CR1: variants seen among roughly 807,000 people sequenced by gnomAD.
CR1 encodes the protein complement C3b/C4b receptor 1 (Knops blood group).
CR1 carries 116 observed loss-of-function variants against 187.3 expected under a neutral mutation model. The observed-to-expected ratio is 0.62, with a 90% CI of 0.53 to 0.72. The LOEUF is 0.72. CR1 is among the 30% of genes least tolerant of loss of function. The pLI is 0.00. For synonymous variants in CR1, 576 were observed against 747.1 expected (o/e 0.77, Z 3.73); for missense variants, 1,731 against 2,110.7 (o/e 0.82, Z 3.52).
chr1:207,506,373 G>T (rs1378831461), intron 2 of CR1, among the ~76,000 whole-genome samples: 1 of 152,182 alleles, frequency 6.6e-6, no homozygotes, highest in Non-Finnish European at 1.5e-5. Context: ...GAATGACTTG[G>T]GACAAGAAAG....
Position 207,611,849 on chromosome 1 carries a change from T to A in CR1, c.6468T>A (p.Cys2156Ter). 4.3e-6 allele frequency: 7 copies of A among 1,613,980 alleles called. No homozygotes were observed. The highest frequency in any genetic ancestry group is 5.9e-6 in the Non-Finnish European group (7 of 1,179,856). Residue 2156 changes from cysteine to a stop codon, truncating the protein, a stop_gained, in exon 38 of 47, where the codon TGT becomes TGA. Coordinates refer to ENST00000367049, the MANE Select transcript of CR1 (RefSeq NM_000651.6). LOFTEE classifies it high-confidence loss of function. ...ACTGGAGCCCTGAAGCCCCTAGATG[T>A]ACAGGTGCCTTGACTCTCTGGCTTC... is the stretch of plus-strand genomic sequence containing the variant. ...QGDWSPEAPR[C>*]TVKSCDDFLG...
chr1:207,608,986 G>C (rs1221892222), intron 36 of CR1, among the ~76,000 whole-genome samples: 1 of 151,966 alleles, frequency 6.6e-6, no homozygotes, highest in Non-Finnish European at 1.5e-5. Flanking sequence ...AAATAGTCCA[G>C]CAATAGATAA....
intron 43 of CR1, 91 bp downstream of exon 43, chr1:207,620,156 T>C (rs1372455833): frequency 7.8e-7 from 1 of 1,281,584 alleles, no homozygotes; most frequent in East Asian, 2.5e-5. Context: ...AGTGTGATGT[T>C]TATGGCATAT....
intron 1 of CR1, among the ~76,000 whole-genome samples, chr1:207,505,690 C>A (rs1264604710): frequency 5.9e-5 from 9 of 151,900 alleles, no homozygotes; most frequent in Admixed American, 5.9e-4. Flanking sequence ...CGAAAATTAG[C>A]CAGGTGTGGT....
chr1:207,517,966 CTTTAG>C (rs1659854607), intron 4 of CR1, among the ~76,000 whole-genome samples: 1 of 151,954 alleles, frequency 6.6e-6, no homozygotes, highest in Non-Finnish European at 1.5e-5. Flanking sequence ...CTTGTTTTTT[CTTTAG>C]TTTATGACTA....
At position 207,609,651 on chromosome 1, in the gene CR1, T is replaced by A. The variant is rs533857968; in HGVS notation, c.6258T>A (p.Asn2086Lys). ...CCCACACTGTGCAGTGCCAGACCAATGGCAGATGGGGGCCCAAGCTGCCAC... is the reference window on the plus strand; with the variant it reads ...CCCACACTGTGCAGTGCCAGACCAAAGGCAGATGGGGGCCCAAGCTGCCAC... Reference protein sequence around the residue: ...VGSHTVQCQTNGRWGPKLPHC... With the variant: ...VGSHTVQCQTKGRWGPKLPHC... The change falls in exon 37 of 47, where the codon AAT becomes AAA. Residue 2086 changes from asparagine to lysine, a missense_variant. Physicochemically the swap from Asn to Lys is moderately conservative, Grantham distance 94. Transcript: ENST00000367049. The A allele has an allele frequency of 6.3e-7, 1 of 1,598,556 alleles. No individual in the cohort carries two copies. The highest frequency in any genetic ancestry group is 1.3e-5 in the African/African-American group (1 of 74,388).
At chr1:207,521,045 C>T (rs754179483) in intron 4 of CR1, among the ~76,000 whole-genome samples, 7 of 130,536 alleles carry the variant, frequency 5.4e-5, no homozygotes, top group Non-Finnish European at 1.1e-4. Flanking sequence ...TGGGATATCT[C>T]GGCTCACTGC....
chr1:207,601,634 G>T (rs951335860), intron 35 of CR1, among the ~76,000 whole-genome samples: 3 of 152,118 alleles, frequency 2.0e-5, no homozygotes, highest in African/African-American at 7.2e-5. Flanking sequence ...AGGGGCTGAA[G>T]TCAGTTTGAT....
chr1:207,597,545 C>A (rs1250920584), intron 35 of CR1, among the ~76,000 whole-genome samples: 1 of 152,038 alleles, frequency 6.6e-6, no homozygotes. Flanking sequence ...TGACTTTGTA[C>A]TAGGATGTTT....
chr1:207,522,898 A>G (rs948337142), intron 4 of CR1, among the ~76,000 whole-genome samples: 4 of 152,212 alleles, frequency 2.6e-5, no homozygotes, highest in Non-Finnish European at 5.9e-5. Flanking sequence ...GCTATACTTT[A>G]AAATGTATTT....
chr1:207,623,682 C>T (rs571221429), intron 45 of CR1, among the ~76,000 whole-genome samples: 2 of 151,346 alleles, frequency 1.3e-5, no homozygotes, highest in Admixed American at 6.6e-5. Flanking sequence ...AGAAAGTAGG[C>T]AGAAGGGGTT....
intron 39 of CR1, among the ~76,000 whole-genome samples, chr1:207,614,012 G>T (rs1662020421): frequency 6.6e-6 from 1 of 152,194 alleles, no homozygotes; most frequent in Middle Eastern, 3.2e-3. Flanking sequence ...CCACTAATGA[G>T]AATAAGTGGG....
At chr1:207,582,624 G>C (rs1435883150) in intron 32 of CR1, among the ~76,000 whole-genome samples, 1 of 152,194 alleles carries the variant, frequency 6.6e-6, no homozygotes, top group Admixed American at 6.6e-5. Context: ...CAAACCTCTG[G>C]GTGTAGCTGA....
chr1:207,509,348 G>A (rs948635890), intron 3 of CR1, among the ~76,000 whole-genome samples: 2 of 152,160 alleles, frequency 1.3e-5, no homozygotes, highest in Admixed American at 6.5e-5. Context: ...ATCCAAAAAG[G>A]TAGGGTAGGA....
At chr1:207,617,892 G>A (rs1044849141) in intron 41 of CR1, among the ~76,000 whole-genome samples, 179 bp from the exon 42 acceptor site, 1 of 151,928 alleles carries the variant, frequency 6.6e-6, no homozygotes, top group Non-Finnish European at 1.5e-5. Flanking sequence ...AATGTCAAGA[G>A]GTCTAGGTTT....
intron 1 of CR1, among the ~76,000 whole-genome samples, chr1:207,497,695 C>T (rs1344367954): frequency 1.3e-5 from 2 of 152,128 alleles, no homozygotes; most frequent in Non-Finnish European, 2.9e-5. Context: ...GAATTTGTGT[C>T]ATCTTTGGGA....
intron 35 of CR1, among the ~76,000 whole-genome samples, chr1:207,603,723 A>G (rs1661670611): frequency 6.6e-6 from 1 of 152,126 alleles, no homozygotes; most frequent in Non-Finnish European, 1.5e-5. Flanking sequence ...CACCATTTTT[A>G]GTGGTTGCAT....
At chr1:207,617,481 A>T (rs1662142131) in intron 41 of CR1, among the ~76,000 whole-genome samples, 1 of 71,094 alleles carries the variant, frequency 1.4e-5, no homozygotes, top group African/African-American at 4.5e-5. Flanking sequence ...CTAGAACTTA[A>T]AGTATATATA....
intron 1 of CR1, among the ~76,000 whole-genome samples, chr1:207,498,073 G>A (rs1447663745): frequency 2.0e-5 from 3 of 152,144 alleles, no homozygotes; most frequent in Admixed American, 2.0e-4. Context: ...TGGTGTCTTG[G>A]ACCCAGTAAG....
Sources: allele counts gnomAD v4.1 joint callset (sites outside exome capture counted in the v4.1 genomes callset), GRCh38; gene constraint gnomAD v4.1.1; transcripts MANE v1.5; gene names NCBI Gene and HGNC (gene_info 2026-07-23, HGNC 2026-07-21).